Variants in EHBP1 observed in about 807,000 individuals in gnomAD.
The protein encoded by EHBP1 is EH domain binding protein 1.
EHBP1 carries 55 observed loss-of-function variants against 144.0 expected under a neutral mutation model. That is an observed-to-expected ratio of 0.38 (90% CI 0.31 to 0.48). The LOEUF (loss-of-function observed/expected upper bound fraction) is 0.48, where lower values mean the gene tolerates loss of function less well. EHBP1 is among the 20% of genes least tolerant of loss of function. The probability of loss-of-function intolerance (pLI) is 0.98; values close to 1 mark genes in which losing one functional copy is unlikely to be tolerated. For missense variants in EHBP1, 1,200 were observed against 1,364.2 expected, an observed-to-expected ratio of 0.88 and a Z score of 1.90; for synonymous variants, 469 against 472.7, an observed-to-expected ratio of 0.99 and a Z score of 0.10.
intron 8 of EHBP1, among the ~76,000 whole-genome samples, chr2:62,863,833 C>CTTTT (rs2049806778): frequency 1.6e-5 from 1 of 61,064 alleles, no homozygotes; most frequent in Non-Finnish European, 3.8e-5. Flanking sequence ...TTTTATTTTT[C>CTTTT]TGTGTTGTTT....
At chr2:62,797,856 A>G (rs2043656127) in intron 5 of EHBP1, among the ~76,000 whole-genome samples, 1 of 152,202 alleles carries the variant, frequency 6.6e-6, no homozygotes, top group African/African-American at 2.4e-5. Context: ...GGGTAATAGT[A>G]CCAGCCTTAA....
At chr2:62,805,716 C>T (rs973438533) in intron 5 of EHBP1, among the ~76,000 whole-genome samples, 11 of 152,120 alleles carry the variant, frequency 7.2e-5, no homozygotes, top group South Asian at 2.1e-4. Context: ...AGGATTTCAC[C>T]GTGTTGGCCA....
intron 7 of EHBP1, among the ~76,000 whole-genome samples, chr2:62,857,996 A>G (rs977368929): frequency 6.6e-6 from 1 of 152,132 alleles, no homozygotes; most frequent in African/African-American, 2.4e-5. Flanking sequence ...CTTTTTGTTT[A>G]AATTTAGAAT....
chr2:62,696,854 C>T (rs960257541), intron 1 of EHBP1, among the ~76,000 whole-genome samples: 1 of 152,060 alleles, frequency 6.6e-6, no homozygotes, highest in Non-Finnish European at 1.5e-5. Context: ...TCACAGAACA[C>T]ATACAAGACA....
At chr2:62,757,079 A>T (rs1421211423) in intron 3 of EHBP1, among the ~76,000 whole-genome samples, 2 of 152,176 alleles carry the variant, frequency 1.3e-5, no homozygotes, top group Admixed American at 6.5e-5. Context: ...ACTTGCTGCT[A>T]AGTACCACTG....
chr2:62,712,251 G>T (rs886791059), intron 2 of EHBP1, among the ~76,000 whole-genome samples: 2 of 152,158 alleles, frequency 1.3e-5, no homozygotes, highest in African/African-American at 4.8e-5. Context: ...GGGTAGAGAA[G>T]CAGATAGGTT....
chr2:62,847,446 G>T (rs1400540421), intron 7 of EHBP1, among the ~76,000 whole-genome samples: 2 of 152,180 alleles, frequency 1.3e-5, no homozygotes, highest in Non-Finnish European at 2.9e-5. Context: ...GGTAGGCAGA[G>T]GGTTTTAACA....
At position 62,767,010 on chromosome 2, in the gene EHBP1, C is replaced by T. The variant is rs536276009; in HGVS notation, c.258+2649C>T. Among the ~76,000 whole-genome samples, 4 of 149,900 alleles carry T rather than the reference C, an allele frequency of 2.7e-5. No homozygotes were observed. The South Asian group carries it at 8.5e-4, about 32-fold the overall frequency. On this transcript the variant is annotated intron_variant, in intron 4 of 22. Coordinates refer to ENST00000431489, the MANE Select transcript of EHBP1 (RefSeq NM_001142616.3). ...GCATTTGGTTGTAAGATCCATTACCCTTTCTCAGGTTTCTAAGGTATTTCT... is the reference window on the plus strand; with the variant it reads ...GCATTTGGTTGTAAGATCCATTACCTTTTCTCAGGTTTCTAAGGTATTTCT...
chr2:62,913,671 C>A (rs1015215554), intron 10 of EHBP1, among the ~76,000 whole-genome samples: 1 of 152,116 alleles, frequency 6.6e-6, no homozygotes, highest in Non-Finnish European at 1.5e-5. Flanking sequence ...AGCATTGATA[C>A]AAAGTTTTGC....
chr2:62,721,882 C>A (rs1014883314), intron 2 of EHBP1, among the ~76,000 whole-genome samples: 2 of 151,946 alleles, frequency 1.3e-5, no homozygotes, highest in African/African-American at 2.4e-5. Flanking sequence ...TTAAAAATAA[C>A]CCTATTTTTA....
At chr2:62,679,027 A>G (rs2033414374) in intron 1 of EHBP1, among the ~76,000 whole-genome samples, 1 of 152,194 alleles carries the variant, frequency 6.6e-6, no homozygotes, top group Non-Finnish European at 1.5e-5. Flanking sequence ...GAGAGGCCAA[A>G]TGACTCACTC....
At chr2:62,884,715 C>G (rs899047112) in intron 10 of EHBP1, among the ~76,000 whole-genome samples, 2 of 152,080 alleles carry the variant, frequency 1.3e-5, no homozygotes, top group African/African-American at 4.8e-5. Context: ...TAAATGGAAG[C>G]CAAGAATGCA....
In EHBP1 at chr2:62,864,808, G is replaced by A. The variant is rs771666089; in HGVS notation, c.835G>A (p.Val279Met). The stretch of plus-strand genomic sequence containing the variant: ...TAACAGCTATAATCCCTTTAAAGAG[G>A]TGCAGACTCCACAGTATTTGAACCC... ...YNNSYNPFKE[V>M]QTPQYLNPFD... Residue 279 changes from valine (V) to methionine (M), a missense_variant, in exon 9 of 23, where the codon GTG becomes ATG. Physicochemically the swap from Val to Met is conservative, Grantham distance 21. Transcript: ENST00000431489. 1.2e-6 allele frequency: 2 copies of A among 1,613,980 alleles called. No individual in the cohort carries two copies. The highest frequency in any genetic ancestry group is 1.1e-5 in the South Asian group (1 of 91,074).
chr2:62,685,727 A>G (rs2033696364), intron 1 of EHBP1, among the ~76,000 whole-genome samples: 1 of 152,060 alleles, frequency 6.6e-6, no homozygotes, highest in African/African-American at 2.4e-5. Context: ...AAGCGGCAGC[A>G]CCTTTTGCTC....
At chr2:62,987,200 A>G (rs938783236) in intron 15 of EHBP1, among the ~76,000 whole-genome samples, 2 of 152,192 alleles carry the variant, frequency 1.3e-5, no homozygotes, top group African/African-American at 4.8e-5. Flanking sequence ...AAAAATATCT[A>G]CTAAAAATCC....
intron 9 of EHBP1, among the ~76,000 whole-genome samples, chr2:62,871,358 T>C (rs2050466030): frequency 6.6e-6 from 1 of 152,238 alleles, no homozygotes; most frequent in South Asian, 2.1e-4. Flanking sequence ...AGTCACAGTC[T>C]TTACAAGTTT....
At position 62,806,663 on chromosome 2, in the gene EHBP1, A is replaced by C. The variant is rs183578436; in HGVS notation, c.313-19424A>C. Among the ~76,000 whole-genome samples, 44 of 152,084 alleles carry C rather than the reference A, an allele frequency of 2.9e-4. No individual in the cohort carries two copies. The East Asian group carries it at 8.3e-3, about 29-fold the overall frequency. On this transcript the variant is annotated intron_variant, in intron 5 of 22. Transcript: ENST00000431489. ...AGGTGTGAGCCACCACACTTGGCTT[A>C]ATTGAGCATTTTCTATGATTCCACT...
intron 14 of EHBP1, among the ~76,000 whole-genome samples, chr2:62,971,886 TC>T (rs2058513319): frequency 6.6e-6 from 1 of 152,162 alleles, no homozygotes; most frequent in African/African-American, 2.4e-5. Flanking sequence ...AGCAAGACTA[TC>T]CTTTATAACT....
chr2:62,771,054 A>G (rs1010246852), intron 4 of EHBP1, among the ~76,000 whole-genome samples: 3 of 152,152 alleles, frequency 2.0e-5, no homozygotes, highest in Non-Finnish European at 2.9e-5. Context: ...AAGAATAACT[A>G]TTGGGTACTA....
Sources: gnomAD v4.1 joint callset for allele counts (sites outside exome capture counted in the v4.1 genomes callset) on GRCh38, gnomAD v4.1.1 for gene constraint, MANE v1.5 for transcripts, NCBI Gene and HGNC (gene_info 2026-07-23, HGNC 2026-07-21) for gene names.